Variants in TPCN1 observed in about 807,000 individuals in gnomAD.
TPCN1 encodes the protein two pore segment channel 1.
Under a neutral mutation model 108.8 loss-of-function variants are expected in TPCN1, and 52 were observed. The ratio of observed to expected loss-of-function variants is 0.48; its 90% CI spans 0.38 to 0.60. The LOEUF is 0.60. TPCN1 is among the 20% of genes least tolerant of loss of function. The pLI, the probability that TPCN1 is intolerant of heterozygous loss-of-function variation, is 0.00. For missense variants in TPCN1, 806 were observed against 1,072.8 expected (o/e 0.75, Z 3.47); for synonymous variants, 446 against 433.7 (o/e 1.03, Z -0.35).
At chr12:113,279,383 ATATATATATTTTTTTTTT>A (rs1955803474) in intron 14 of TPCN1, among the ~76,000 whole-genome samples, 2 of 22,524 alleles carry the variant, frequency 8.9e-5, no homozygotes, top group African/African-American at 5.0e-4. Context: ...ATATATATAT[ATATATATATTTTTTTTTT>A]TTTTTTTTTT....
rs746268275 is a variant in TPCN1 at position 113,293,049 on chromosome 12, C to T, written c.2229C>T (p.Thr743=). 3 of 1,612,702 alleles carry T rather than the reference C, an allele frequency of 1.9e-6. No individual in the cohort carries two copies. Among genetic ancestry groups the T allele is most frequent in the Non-Finnish European group, 2.5e-6 (3 of 1,179,738 alleles). ...CGGATGTCACCAGGCTGCTGGAGAC[C>T]CTCTCCCAGATGGAGAGATACCAGG... ...ASSDVTRLLE[T]LSQMERYQQH... Residue 743 remains threonine (T), a synonymous_variant, in exon 26 of 28, where the codon ACC becomes ACT. Transcript: ENST00000335509.
In TPCN1 at chr12:113,269,196, C is replaced by A. The variant is rs1955398193; in HGVS notation, c.659+324C>A. 6.6e-6 allele frequency among the ~76,000 whole-genome samples: 1 copy of A among 152,228 alleles called. No homozygotes were observed. Among genetic ancestry groups the A allele is most frequent in the Non-Finnish European group, 1.5e-5 (1 of 68,032 alleles). On this transcript the variant is annotated intron_variant, in intron 6 of 27. Transcript: ENST00000335509. This position sits in a 1 kb window ranked among gnomAD's most constrained non-coding sequence, Gnocchi z 5.0. ...CGTCCATGTGACACAAGCAGACTCT[C>A]CTGCCACCTCCATCGAGGCTGTAGG...
intron 2 of TPCN1, among the ~76,000 whole-genome samples, chr12:113,252,627 C>G (rs1364367387): frequency 1.3e-5 from 2 of 152,230 alleles, no homozygotes; most frequent in Non-Finnish European, 2.9e-5. Context: ...ACCTAGGACT[C>G]TTCTGTGTTG....
intron 2 of TPCN1, among the ~76,000 whole-genome samples, chr12:113,253,743 A>G (rs1247673038): frequency 6.6e-6 from 1 of 152,234 alleles, no homozygotes; most frequent in East Asian, 1.9e-4. Flanking sequence ...CAGCAGTCAT[A>G]AAGGCTCACC....
intron 2 of TPCN1, among the ~76,000 whole-genome samples, chr12:113,236,708 G>C (rs536213710): frequency 9.7e-4 from 147 of 152,204 alleles, no homozygotes; most frequent in African/African-American, 3.4e-3. Flanking sequence ...ATTGGATTTG[G>C]GTGTGGTTAC....
rs531551257 is a variant in TPCN1, at chr12:113,263,448, A to T, written c.238-2732A>T. ...GCTAATTTTTGTATTTTTAGTAGAGATGGGGTTTCACCATGTTGGTCAGGT... is the reference window on the plus strand; with the variant it reads ...GCTAATTTTTGTATTTTTAGTAGAGTTGGGGTTTCACCATGTTGGTCAGGT... On this transcript the variant is annotated intron_variant, in intron 3 of 27. Coordinates refer to ENST00000335509, the MANE Select transcript of TPCN1 (RefSeq NM_017901.6). Among the ~76,000 whole-genome samples the T allele has an allele frequency of 1.5e-4, 23 of 152,310 alleles. No homozygotes were observed. In the East Asian group the frequency reaches 4.0e-3, roughly 27 times the overall value.
At chr12:113,267,812 C>T (rs1026391699) in intron 4 of TPCN1, 31 bp from the exon 5 acceptor site, 1 of 1,523,040 alleles carries the variant, frequency 6.6e-7, no homozygotes, top group African/African-American at 1.4e-5. Context: ...CTGGGCTGGC[C>T]ATGACACATC....
At position 113,260,494 on chromosome 12, in the gene TPCN1, T is replaced by C; in HGVS notation, c.237+2T>C. 1 of 1,570,530 alleles carries C rather than the reference T, an allele frequency of 6.4e-7. No individual in the cohort carries two copies. Among genetic ancestry groups the C allele is most frequent in the Admixed American group, 1.9e-5 (1 of 52,878 alleles). On this transcript the variant is annotated splice_donor_variant, in intron 3 of 27. Transcript: ENST00000335509. LOFTEE classifies it high-confidence loss of function. ...CAAGAGGCAGCAATCTACCTCCAGG[T>C]GAGTATCTCCAGTCAGGCCCTGGCA... is the stretch of plus-strand genomic sequence containing the variant.
At chr12:113,263,413 G>A (rs60274491) in intron 3 of TPCN1, among the ~76,000 whole-genome samples, 3,475 of 152,192 alleles carry the variant, frequency 0.023, 95 homozygotes, top group African/African-American at 0.061. Context: ...GGCACCTGCC[G>A]CCACACCAGG....
Position 113,232,150 on chromosome 12 carries a change from G to A in TPCN1, c.112+5186G>A, listed in dbSNP as rs79304496. 4.7e-3 allele frequency among the ~76,000 whole-genome samples: 710 copies of A among 152,244 alleles called. 9 individuals are homozygous for A. The highest frequency in any genetic ancestry group is 0.016 in the African/African-American group (647 of 41,580). On this transcript the variant is annotated intron_variant, in intron 2 of 27. Transcript: ENST00000335509. The surrounding 1 kb of genome is among the most constrained non-coding windows in gnomAD (Gnocchi z 5.6). ...TGCTCCGTCTCTGCTTTGGTGCCGG[G>A]TTGTTTATGGTTTTCAGGTGACAGG... is the stretch of plus-strand genomic sequence containing the variant.
In TPCN1 at chr12:113,295,942, T is replaced by A. The variant is rs953498465; in HGVS notation, c.2335-18T>A. 6.4e-7 allele frequency: 1 copy of A among 1,572,434 alleles called. No individual in the cohort carries two copies. Among genetic ancestry groups the A allele is most frequent in the Non-Finnish European group, 8.6e-7 (1 of 1,159,518 alleles). On this transcript the variant is annotated intron_variant, in intron 27 of 27. Coordinates refer to ENST00000335509, the MANE Select transcript of TPCN1 (RefSeq NM_017901.6). ...GGTGGGGTGCAGCCCTCAGCACCCC[T>A]TCTGCTCTCTTCTCCAGGAGTGGTA...
rs570723036 is a variant in TPCN1, at chr12:113,251,903, G to A, written c.113-8465G>A. 3.5e-4 allele frequency among the ~76,000 whole-genome samples: 53 copies of A among 152,374 alleles called. 2 individuals are homozygous for A. In the South Asian group the frequency reaches 0.011, roughly 32 times the overall value. ...CAGGTGGTCAGGAAAGGCCTGGACAGTGAGAGTGAGTCCAGGTTGCTGCAG... is the reference window on the plus strand; with the variant it reads ...CAGGTGGTCAGGAAAGGCCTGGACAATGAGAGTGAGTCCAGGTTGCTGCAG... On this transcript the variant is annotated intron_variant, in intron 2 of 27. Coordinates refer to ENST00000335509, the MANE Select transcript of TPCN1 (RefSeq NM_017901.6).
chr12:113,282,950 G>A (rs1033000710), intron 15 of TPCN1, among the ~76,000 whole-genome samples: 4 of 150,538 alleles, frequency 2.7e-5, no homozygotes, highest in East Asian at 2.0e-4. Flanking sequence ...AGCCATGCAC[G>A]CCTGTGGTCC....
chr12:113,274,093 C>A (rs934141415), intron 10 of TPCN1, among the ~76,000 whole-genome samples: 1 of 152,208 alleles, frequency 6.6e-6, no homozygotes, highest in African/African-American at 2.4e-5. Flanking sequence ...CATTCATCCT[C>A]TCATATATTT....
At position 113,245,061 on chromosome 12, in the gene TPCN1, C is replaced by T. The variant is rs371384551; in HGVS notation, c.113-15307C>T. ...GGTGGATGACTTGAGCCCAGGAGTT[C>T]AAGACCAGACTGGGGAACATGGTGA... is the stretch of plus-strand genomic sequence containing the variant. On this transcript the variant is annotated intron_variant, in intron 2 of 27. Coordinates refer to ENST00000335509, the MANE Select transcript of TPCN1 (RefSeq NM_017901.6). 1.4e-4 allele frequency among the ~76,000 whole-genome samples: 22 copies of T among 152,006 alleles called. 1 individual carries two copies. In the South Asian group the frequency reaches 4.6e-3, roughly 32 times the overall value.
chr12:113,278,159 T>C (rs1955736634), intron 12 of TPCN1, 30 bp from the exon 13 acceptor site: 3 of 1,603,642 alleles, frequency 1.9e-6, no homozygotes, highest in Non-Finnish European at 2.6e-6. Flanking sequence ...TGTTCTGATA[T>C]TTTGTCCCTT....
intron 18 of TPCN1, among the ~76,000 whole-genome samples, chr12:113,286,532 G>A (rs1485533394): frequency 2.8e-5 from 4 of 141,166 alleles, no homozygotes; most frequent in East Asian, 2.4e-4. Context: ...GGGGCAGGGC[G>A]AGCTGTTCTC....
rs1956185496 is a variant in TPCN1 at position 113,289,078 on chromosome 12, C to T, written c.1796+231C>T. Reference sequence around the variant, plus strand: ...GCAGGGTTGGGAGCTGTCAGCTCACCCTCTGCCGAGGGCTGGAGGCCACCC... The same window carrying T: ...GCAGGGTTGGGAGCTGTCAGCTCACTCTCTGCCGAGGGCTGGAGGCCACCC... On this transcript the variant is annotated intron_variant, in intron 21 of 27. Transcript: ENST00000335509. This position sits in a 1 kb window ranked among gnomAD's most constrained non-coding sequence, Gnocchi z 4.1. Among the ~76,000 whole-genome samples the T allele has an allele frequency of 2.6e-5, 4 of 152,310 alleles. No individual in the cohort carries two copies. The highest frequency in any genetic ancestry group is 9.6e-5 in the African/African-American group (4 of 41,580).
chr12:113,263,697 T>A (rs1353973854), intron 3 of TPCN1, among the ~76,000 whole-genome samples: 1 of 152,222 alleles, frequency 6.6e-6, no homozygotes, highest in Non-Finnish European at 1.5e-5. Flanking sequence ...TCCCACATTT[T>A]ACCTGTTAAC....
Sources: gnomAD v4.1 joint callset for allele counts (sites outside exome capture counted in the v4.1 genomes callset) on GRCh38, gnomAD v4.1.1 for gene constraint, Gnocchi (gnomAD v3.1) non-coding constraint, MANE v1.5 for transcripts, NCBI Gene and HGNC (gene_info 2026-07-23, HGNC 2026-07-21) for gene names.